Variants in EEPD1 observed in about 807,000 individuals in gnomAD.
The protein encoded by EEPD1 is endonuclease/exonuclease/phosphatase family domain-containing protein 1.
In EEPD1, 17 loss-of-function variants were observed where a neutral mutation model predicts 46.3. The ratio of observed to expected loss-of-function variants is 0.37; its 90% CI spans 0.25 to 0.55. The LOEUF (loss-of-function observed/expected upper bound fraction) is 0.55. EEPD1 is among the 20% of genes least tolerant of loss of function. The pLI, the probability that EEPD1 is intolerant of heterozygous loss-of-function variation, is 0.83. For synonymous variants in EEPD1, 313 were observed against 315.6 expected (o/e 0.99, Z 0.09); for missense variants, 673 against 745.6 (o/e 0.90, Z 1.13).
intron 2 of EEPD1, among the ~76,000 whole-genome samples, chr7:36,176,972 T>C (rs1333038320): frequency 3.9e-5 from 6 of 152,230 alleles, no homozygotes; most frequent in Non-Finnish European, 7.3e-5. Flanking sequence ...TAAACTGTTA[T>C]CACACACATT....
intron 2 of EEPD1, among the ~76,000 whole-genome samples, chr7:36,209,899 G>A (rs1185817719): frequency 6.6e-6 from 1 of 152,122 alleles, no homozygotes; most frequent in African/African-American, 2.4e-5. Context: ...GAGATTTGTT[G>A]GGGGGCAAAC....
intron 2 of EEPD1, among the ~76,000 whole-genome samples, chr7:36,194,636 C>T (rs1785544225): frequency 6.6e-6 from 1 of 152,164 alleles, no homozygotes; most frequent in African/African-American, 2.4e-5. Flanking sequence ...ATATGGCTTT[C>T]CATGGATGTG....
rs148068468 is a variant in EEPD1 at position 36,256,581 on chromosome 7, T to G, written c.930+17545T>G. On this transcript the variant is annotated intron_variant, in intron 3 of 7. Coordinates refer to ENST00000242108, the MANE Select transcript of EEPD1 (RefSeq NM_030636.3). ...ATCCCTTTACCATTATGTAATGCCC[T>G]TCTTTGTCTTTTTTGATCTTTGTTG... is the stretch of plus-strand genomic sequence containing the variant. Among the ~76,000 whole-genome samples, 870 of 152,316 alleles carry G rather than the reference T, an allele frequency of 5.7e-3. 5 individuals carry two copies. Among genetic ancestry groups the G allele is most frequent in the African/African-American group, 0.02 (828 of 41,568 alleles).
At chr7:36,272,846 G>A (rs892377577) in intron 3 of EEPD1, among the ~76,000 whole-genome samples, 2 of 152,204 alleles carry the variant, frequency 1.3e-5, no homozygotes, top group Non-Finnish European at 2.9e-5. Flanking sequence ...CACAGGAGCA[G>A]GAAGCCCATG....
chr7:36,216,478 G>A (rs1316527705), intron 2 of EEPD1, among the ~76,000 whole-genome samples: 1 of 152,232 alleles, frequency 6.6e-6, no homozygotes, highest in East Asian at 1.9e-4. Context: ...GGAGTGGATT[G>A]TGCAACTGCT....
At chr7:36,286,610 G>A (rs1787346065) in intron 5 of EEPD1, among the ~76,000 whole-genome samples, 1 of 152,220 alleles carries the variant, frequency 6.6e-6, no homozygotes, top group Non-Finnish European at 1.5e-5. Flanking sequence ...GTCCTAGGCT[G>A]GCCAGGTTCT....
intron 2 of EEPD1, among the ~76,000 whole-genome samples, chr7:36,221,954 G>A (rs1042105019): frequency 6.6e-6 from 1 of 152,176 alleles, no homozygotes; most frequent in Admixed American, 6.5e-5. Flanking sequence ...TGTGCTCCCT[G>A]TCACTCATAC....
chr7:36,236,610 T>C (rs964898356), intron 2 of EEPD1, among the ~76,000 whole-genome samples: 4 of 152,116 alleles, frequency 2.6e-5, no homozygotes, highest in African/African-American at 9.7e-5. Context: ...TTCTGAGAGG[T>C]GGGGACTTGG....
chr7:36,281,194 T>A lies in EEPD1; in HGVS notation c.1010T>A (p.Val337Asp). Residue 337 changes from valine to aspartate, a missense_variant, in exon 4 of 8, where the codon GTT (valine) becomes GAT (aspartate). By Grantham distance (152) the Val-to-Asp change is radical. Transcript: ENST00000242108. ...KGPRGCWKAV[V>D]AEKPSSQLQK... ...CCCCGGGGATGCTGGAAGGCTGTTG[T>A]TGCTGAGAAGCCCTCGAGTCAGCTC... 6.2e-7 allele frequency: 1 copy of A among 1,614,228 alleles called. No individual in the cohort carries two copies. Among genetic ancestry groups the A allele is most frequent in the Non-Finnish European group, 8.5e-7 (1 of 1,180,040 alleles).
intron 3 of EEPD1, among the ~76,000 whole-genome samples, chr7:36,239,386 A>T (rs1786515768): frequency 6.6e-6 from 1 of 151,858 alleles, no homozygotes; most frequent in Non-Finnish European, 1.5e-5. Context: ...TGGCCACCTC[A>T]CTGCATTTCT....
intron 2 of EEPD1, among the ~76,000 whole-genome samples, chr7:36,174,102 G>A (rs1785136479): frequency 6.6e-6 from 1 of 152,198 alleles, no homozygotes; most frequent in African/African-American, 2.4e-5. Context: ...GCCAGGGCTG[G>A]TGCTGTTGGC....
chr7:36,183,638 A>G (rs1021641203), intron 2 of EEPD1, among the ~76,000 whole-genome samples: 2 of 152,138 alleles, frequency 1.3e-5, no homozygotes, highest in Non-Finnish European at 2.9e-5. Context: ...TAAAACACAG[A>G]TTTGTATTCC....
At chr7:36,280,186 AG>A (rs1287344166) in intron 3 of EEPD1, among the ~76,000 whole-genome samples, 1 of 152,142 alleles carries the variant, frequency 6.6e-6, no homozygotes, top group Non-Finnish European at 1.5e-5. Flanking sequence ...GATGCTAAGG[AG>A]GCAGTGGGAA....
intron 3 of EEPD1, among the ~76,000 whole-genome samples, chr7:36,271,222 A>G (rs1195126084): frequency 6.6e-6 from 1 of 151,890 alleles, no homozygotes; most frequent in Non-Finnish European, 1.5e-5. Flanking sequence ...TCCTAACCTC[A>G]TGATCTGCCC....
intron 2 of EEPD1, among the ~76,000 whole-genome samples, chr7:36,188,580 C>T (rs1377527960): frequency 6.6e-6 from 1 of 152,022 alleles, no homozygotes; most frequent in Non-Finnish European, 1.5e-5. Flanking sequence ...TGGAAGCGGG[C>T]GCAGGGTGGG....
At chr7:36,244,767 A>ATTTTT (rs140539379) in intron 3 of EEPD1, among the ~76,000 whole-genome samples, 4 of 108,436 alleles carry the variant, frequency 3.7e-5, no homozygotes, top group African/African-American at 1.1e-4. Context: ...TTCAGAGTTG[A>ATTTTT]TTTTTTTTTT....
chr7:36,238,958 G>A, intron 2 of EEPD1, 27 bp from the exon 3 acceptor site: 1 of 1,600,516 alleles, frequency 6.2e-7, no homozygotes, highest in Non-Finnish European at 8.5e-7. Context: ...TTGTTTTCAA[G>A]TGTGGTTTTG....
intron 6 of EEPD1, among the ~76,000 whole-genome samples, chr7:36,288,911 A>G (rs1040244935): frequency 6.6e-6 from 1 of 152,236 alleles, no homozygotes; most frequent in Non-Finnish European, 1.5e-5. Flanking sequence ...TTGATTTTTC[A>G]GAACACTGAC....
intron 2 of EEPD1, among the ~76,000 whole-genome samples, chr7:36,161,094 T>C (rs891768210): frequency 6.6e-6 from 1 of 152,158 alleles, no homozygotes; most frequent in Non-Finnish European, 1.5e-5. Flanking sequence ...AGGCCACATA[T>C]TCTCTTCAGC....
Sources: gnomAD v4.1 joint callset for allele counts (sites outside exome capture counted in the v4.1 genomes callset) on GRCh38, gnomAD v4.1.1 for gene constraint, MANE v1.5 for transcripts, NCBI Gene and HGNC (gene_info 2026-07-23, HGNC 2026-07-21) for gene names.